Variants in ME1 observed in about 807,000 individuals in gnomAD.
ME1 encodes NADP-dependent malic enzyme.
A neutral mutation model predicts 66.4 loss-of-function variants in ME1; 74 were observed. The observed-to-expected ratio is 1.11, with a 90% CI of 0.92 to 1.35. The LOEUF (loss-of-function observed/expected upper bound fraction) is 1.35, where lower values mean the gene tolerates loss of function less well. Ranked by LOEUF, ME1 falls within the 40% of genes most tolerant of loss-of-function variation. The pLI, the probability that ME1 is intolerant of heterozygous loss-of-function variation, is 0.00. For synonymous variants in ME1, 251 were observed against 235.6 expected (o/e 1.07, Z -0.60); for missense variants, 750 against 694.1 (o/e 1.08, Z -0.90).
chr6:83,388,813 A>T (rs981571692), intron 3 of ME1, among the ~76,000 whole-genome samples: 2 of 152,094 alleles, frequency 1.3e-5, no homozygotes, highest in African/African-American at 4.8e-5. Flanking sequence ...AAATCAAATC[A>T]GTGGTGCCCT....
intron 1 of ME1, among the ~76,000 whole-genome samples, chr6:83,423,114 T>G (rs1361943390): frequency 6.6e-6 from 1 of 151,336 alleles, no homozygotes; most frequent in East Asian, 1.9e-4. Context: ...CAGAGAAAAC[T>G]GATGTATTAC....
chr6:83,370,172 T>C (rs1056372016), intron 3 of ME1, among the ~76,000 whole-genome samples: 2 of 152,198 alleles, frequency 1.3e-5, no homozygotes, highest in Non-Finnish European at 2.9e-5. Context: ...GTTCATACTT[T>C]TCTGTGACAT....
At chr6:83,388,243 C>T (rs1204156372) in intron 3 of ME1, among the ~76,000 whole-genome samples, 1 of 151,944 alleles carries the variant, frequency 6.6e-6, no homozygotes, top group African/African-American at 2.4e-5. Context: ...CGCACCACCA[C>T]ACCAGTTGAT....
In ME1 at chr6:83,238,816, A is replaced by ATATG. The variant is rs1486178518; in HGVS notation, c.912+722_912+723insCATA. Among the ~76,000 whole-genome samples the ATATG allele has an allele frequency of 7.4e-5, 11 of 149,302 alleles. No homozygotes were observed. In the South Asian group the frequency reaches 1.9e-3, roughly 25 times the overall value. ...TCTTGAAAAATATATATATATATAT[A>ATATG]TATAGCCACAAAATATTTCTCTATT... On this transcript the variant is annotated intron_variant, in intron 8 of 13. Transcript: ENST00000369705.
intron 6 of ME1, among the ~76,000 whole-genome samples, chr6:83,257,721 G>C (rs1038504430): frequency 7.2e-5 from 11 of 152,154 alleles, no homozygotes; most frequent in African/African-American, 2.7e-4. Context: ...TAACCTAGCA[G>C]AGAAGCAAAC....
chr6:83,331,666 G>A (rs1285136444), intron 5 of ME1, among the ~76,000 whole-genome samples: 9 of 151,340 alleles, frequency 5.9e-5, no homozygotes, highest in Middle Eastern at 3.4e-3. Context: ...AGAGGAAGAC[G>A]GGCATCTACA....
rs187086712 is a variant in ME1 at position 83,370,127 on chromosome 6, G to A, written c.363-17988C>T. On this transcript the variant is annotated intron_variant, in intron 3 of 13. Transcript: ENST00000369705. ...ATTCAGGCTAAAATTTGTAAAGACC[G>A]TTACATACTAAAATGGATAAAGTTA... Among the ~76,000 whole-genome samples, 149 of 152,152 alleles carry A rather than the reference G, an allele frequency of 9.8e-4. No individual in the cohort carries two copies. In the Middle Eastern group the frequency reaches 0.017, roughly 17 times the overall value.
intron 5 of ME1, among the ~76,000 whole-genome samples, chr6:83,324,311 A>T (rs530579887): frequency 2.0e-5 from 3 of 151,814 alleles, no homozygotes; most frequent in South Asian, 2.1e-4. Context: ...TTCAAAATCA[A>T]GCAGAAGATG....
In ME1 at chr6:83,216,542, G is replaced by A. The variant is rs1284706252; in HGVS notation, c.1504C>T (p.Pro502Ser). The change falls in exon 13 of 14, where the codon CCT (proline) becomes TCT (serine). Residue 502 changes from proline (P) to serine (S), a missense_variant. By Grantham distance (74) the Pro-to-Ser change is moderately conservative. Transcript: ENST00000369705. ...KHLEEGRLYP[P>S]LNTIRDVSLK... ...GAAACATCTCTAATGGTATTCAAAG[G>A]AGGATAAAGCCGACCCTCTTCCAAG... 3.1e-6 allele frequency: 5 copies of A among 1,611,648 alleles called. No individual in the cohort carries two copies. The highest frequency in any genetic ancestry group is 4.2e-6 in the Non-Finnish European group (5 of 1,179,456).
chr6:83,360,651 G>A (rs548535914), intron 3 of ME1, among the ~76,000 whole-genome samples: 2 of 152,236 alleles, frequency 1.3e-5, no homozygotes, highest in South Asian at 2.1e-4. Flanking sequence ...AAACTATATC[G>A]CATCCCTGGA....
In ME1 at chr6:83,344,734, T is replaced by C. The variant is rs547278561; in HGVS notation, c.600+1439A>G. On this transcript the variant is annotated intron_variant, in intron 5 of 13. Coordinates refer to ENST00000369705, the MANE Select transcript of ME1 (RefSeq NM_002395.6). The stretch of plus-strand genomic sequence containing the variant: ...CCCTCTTTACTAAAAATACAAAAAA[T>C]TCACCGAACATGGTGGCATGTGCCT... Among the ~76,000 whole-genome samples the C allele has an allele frequency of 2.7e-5, 4 of 145,528 alleles. No individual in the cohort carries two copies. In the South Asian group the frequency reaches 8.8e-4, roughly 32 times the overall value.
At chr6:83,366,045 C>T (rs1769096151) in intron 3 of ME1, among the ~76,000 whole-genome samples, 1 of 152,176 alleles carries the variant, frequency 6.6e-6, no homozygotes, top group Non-Finnish European at 1.5e-5. Context: ...CCTTGCTTTG[C>T]TCCAATCCTT....
At chr6:83,270,213 T>A in intron 6 of ME1, among the ~76,000 whole-genome samples, 1 of 152,144 alleles carries the variant, frequency 6.6e-6, no homozygotes, top group South Asian at 2.1e-4. Flanking sequence ...TCTAAGACAT[T>A]ATACATTTAA....
chr6:83,320,059 T>C (rs1239081877), intron 5 of ME1, among the ~76,000 whole-genome samples: 2 of 152,306 alleles, frequency 1.3e-5, no homozygotes, highest in African/African-American at 2.4e-5. Flanking sequence ...CCTAGGATGG[T>C]GATAAGCATA....
chr6:83,415,740 G>GT lies in ME1; in HGVS notation c.79-7840dup, dbSNP rs1221462178. Among the ~76,000 whole-genome samples the GT allele has an allele frequency of 5.9e-5, 9 of 152,198 alleles. No individual in the cohort carries two copies. In the East Asian group the frequency reaches 1.7e-3, roughly 29 times the overall value. On this transcript the variant is annotated intron_variant, in intron 1 of 13. Coordinates refer to ENST00000369705, the MANE Select transcript of ME1 (RefSeq NM_002395.6). ...AATTAAACTAATCCACTATTAACAA[G>GT]TTTTTTCATTGACTTTAAACCAGGC...
intron 6 of ME1, among the ~76,000 whole-genome samples, chr6:83,304,719 G>A: frequency 6.6e-6 from 1 of 152,146 alleles, no homozygotes; most frequent in East Asian, 1.9e-4. Flanking sequence ...TATAGTTAGT[G>A]AAATAAAAGT....
chr6:83,256,626 A>C (rs994003086), intron 6 of ME1, among the ~76,000 whole-genome samples: 5 of 152,196 alleles, frequency 3.3e-5, no homozygotes, highest in African/African-American at 1.2e-4. Context: ...GGTGGAAAAC[A>C]GTGTGACGGT....
intron 1 of ME1, among the ~76,000 whole-genome samples, chr6:83,428,834 T>G (rs1479357464): frequency 2.6e-5 from 4 of 152,218 alleles, no homozygotes; most frequent in Non-Finnish European, 5.9e-5. Context: ...TATTACAAAT[T>G]TGAAAATGTG....
intron 7 of ME1, among the ~76,000 whole-genome samples, chr6:83,248,061 G>A (rs1226285470): frequency 1.3e-5 from 2 of 152,076 alleles, no homozygotes; most frequent in Non-Finnish European, 2.9e-5. Flanking sequence ...CTTGGCTCTT[G>A]CTTCTGATAT....
Sources: gnomAD v4.1 joint callset for allele counts (sites outside exome capture counted in the v4.1 genomes callset) on GRCh38, gnomAD v4.1.1 for gene constraint, MANE v1.5 for transcripts, NCBI Gene and HGNC (gene_info 2026-07-23, HGNC 2026-07-21) for gene names.